The following TRIM13 variants were observed in gnomAD, a reference collection of about 807,000 sequenced individuals.
The protein encoded by TRIM13 is tripartite motif containing 13, also known as E3 ubiquitin-protein ligase TRIM13.
Under a neutral mutation model 27.1 loss-of-function variants are expected in TRIM13, and 15 were observed. That is an observed-to-expected ratio of 0.55 (90% CI 0.37 to 0.85). TRIM13 has a LOEUF of 0.85. Among genes scored for constraint, TRIM13 ranks in the 40% least tolerant of loss-of-function variants. The probability of loss-of-function intolerance (pLI) is 0.00; values close to 1 mark genes in which losing one functional copy is unlikely to be tolerated. For missense variants in TRIM13, 402 were observed against 472.2 expected, an observed-to-expected ratio of 0.85 and a Z score of 1.38; for synonymous variants, 193 against 171.5, an observed-to-expected ratio of 1.13 and a Z score of -0.98.
Position 50,015,453 on chromosome 13 carries a change from AGT to A in TRIM13, c.*2293_*2294del. 1 of 1,413,696 alleles carries A rather than the reference AGT, an allele frequency of 7.1e-7. No homozygotes were observed. The highest frequency in any genetic ancestry group is 9.8e-7 in the Non-Finnish European group (1 of 1,018,758). 87.6% of individuals were successfully genotyped at this position (1,413,696 alleles called of 1,614,324 possible). ...TTTATGGTTATAGGTTGATTTCCTAAGTGTGGCTGATGGTAGCCTCTAGTTTG... is the reference window on the plus strand; with the variant it reads ...TTTATGGTTATAGGTTGATTTCCTAAGTGGCTGATGGTAGCCTCTAGTTTG... On this transcript the variant is annotated 3_prime_UTR_variant, in exon 2 of 2. Coordinates refer to ENST00000378182, the MANE Select transcript of TRIM13 (RefSeq NM_213590.3).
In TRIM13 at chr13:50,016,314, C is replaced by T; in HGVS notation, c.*3150C>T. On this transcript the variant is annotated 3_prime_UTR_variant, in exon 2 of 2. Coordinates refer to ENST00000378182, the MANE Select transcript of TRIM13 (RefSeq NM_213590.3). ...ATAAATGAAGACTGCCCAGAAAAAA[C>T]TGAGACTATGGACATTCAAATCATG... 2.4e-6 allele frequency: 1 copy of T among 425,524 alleles called. No homozygotes were observed. 26.4% of individuals were successfully genotyped at this position (425,524 alleles called of 1,614,324 possible).
Position 50,012,453 on chromosome 13 carries a change from C to T in TRIM13, c.513C>T (p.Ser171=). 6.2e-7 allele frequency: 1 copy of T among 1,613,910 alleles called. No individual in the cohort carries two copies. Among genetic ancestry groups the T allele is most frequent in the Non-Finnish European group, 8.5e-7 (1 of 1,179,962 alleles). ...CCTTGGAAACTAGTAAGAGGAAATC[C>T]CTACAGTTACTGACTAAAGATTCAG... ...LDTLETSKRK[S]LQLLTKDSDK... is the part of the protein sequence containing the mutation. Residue 171 remains serine, a synonymous_variant, in exon 2 of 2, where the codon TCC becomes TCT. Transcript: ENST00000378182.
chr13:50,015,777 T>G lies in TRIM13; in HGVS notation c.*2613T>G, dbSNP rs1303045111. On this transcript the variant is annotated 3_prime_UTR_variant, in exon 2 of 2. Transcript: ENST00000378182. ...CTTTTCTATGAACTTCGTTCTCTAGTTGATCTCTTAAACCCATACCTGCTA... is the reference window on the plus strand; with the variant it reads ...CTTTTCTATGAACTTCGTTCTCTAGGTGATCTCTTAAACCCATACCTGCTA... 6.2e-7 allele frequency: 1 copy of G among 1,614,162 alleles called. No homozygotes were observed. Among genetic ancestry groups the G allele is most frequent in the Admixed American group, 1.7e-5 (1 of 60,020 alleles).
intron 1 of TRIM13, among the ~76,000 whole-genome samples, 172 bp downstream of exon 1, chr13:49,997,935 A>T (rs1444199745): frequency 1.3e-5 from 2 of 152,190 alleles, no homozygotes; most frequent in Non-Finnish European, 2.9e-5. Flanking sequence ...AACAGAATTC[A>T]CGTTTAGCAA....
intron 1 of TRIM13, among the ~76,000 whole-genome samples, chr13:50,005,567 G>A (rs992117740): frequency 1.3e-5 from 2 of 150,708 alleles, no homozygotes; most frequent in African/African-American, 4.9e-5. Context: ...CCAGCTACTC[G>A]GGGAGACTAA....
At chr13:50,006,129 A>G (rs898129944) in intron 1 of TRIM13, among the ~76,000 whole-genome samples, 1 of 144,686 alleles carries the variant, frequency 6.9e-6, no homozygotes, top group African/African-American at 2.7e-5. Context: ...TTTTGATGCA[A>G]TTTTTTTGAA....
rs566407446 is a variant in TRIM13 at position 50,013,703 on chromosome 13, T to C, written c.*539T>C. 6.6e-4 allele frequency: 109 copies of C among 165,842 alleles called. 1 individual carries two copies. Among genetic ancestry groups the C allele is most frequent in the Non-Finnish European group, 1.1e-3 (75 of 68,252 alleles). The allele number at this position is 165,842 out of a possible 1,614,324, so 10.3% of individuals were successfully genotyped here. On this transcript the variant is annotated 3_prime_UTR_variant, in exon 2 of 2. Coordinates refer to ENST00000378182, the MANE Select transcript of TRIM13 (RefSeq NM_213590.3). ...ACGCCCAGCTAATTTTTTGTATTTT[T>C]AGTTGAGACAGGGTTTCACTGTCCC...
intron 1 of TRIM13, among the ~76,000 whole-genome samples, chr13:50,008,621 G>T (rs1333804792): frequency 2.0e-5 from 3 of 152,048 alleles, no homozygotes; most frequent in Admixed American, 6.6e-5. Flanking sequence ...CTGGACAACA[G>T]AGCAAGACCC....
intron 1 of TRIM13, among the ~76,000 whole-genome samples, chr13:50,010,163 CTCA>C (rs1210855975): frequency 6.6e-6 from 1 of 151,564 alleles, no homozygotes; most frequent in Non-Finnish European, 1.5e-5. Context: ...ATTCTCATAC[CTCA>C]GCCTCCCGAG....
Position 49,997,516 on chromosome 13 carries a change from C to CT in TRIM13, c.-252dup, listed in dbSNP as rs1873377670. The CT allele has an allele frequency of 6.6e-6, 1 of 152,222 alleles. No individual in the cohort carries two copies. Among genetic ancestry groups the CT allele is most frequent in the Admixed American group, 6.5e-5 (1 of 15,270 alleles). The allele number at this position is 152,222 out of a possible 1,614,324, so 9.4% of individuals were successfully genotyped here. On this transcript the variant is annotated 5_prime_UTR_variant, in exon 1 of 2. It introduces an in-frame stop codon into an upstream open reading frame of the 5' UTR. Coordinates refer to ENST00000378182, the MANE Select transcript of TRIM13 (RefSeq NM_213590.3). ...GGAGGGCGCCCTAACCGAGAAGCTG[C>CT]TTAATACAAAGAGCTCCAGGCTCCT...
chr13:50,010,383 T>C (rs1875480132), intron 1 of TRIM13, among the ~76,000 whole-genome samples: 1 of 152,220 alleles, frequency 6.6e-6, no homozygotes, highest in African/African-American at 2.4e-5. Context: ...ATACAAAAAC[T>C]CAGCAAGTGC....
rs1293983636 is a variant in TRIM13, at chr13:50,014,703, T to A, written c.*1539T>A. The A allele has an allele frequency of 1.8e-5, 3 of 166,866 alleles. No individual in the cohort carries two copies. Among genetic ancestry groups the A allele is most frequent in the Non-Finnish European group, 4.4e-5 (3 of 68,102 alleles). 10.3% of individuals were successfully genotyped at this position (166,866 alleles called of 1,614,324 possible). On this transcript the variant is annotated 3_prime_UTR_variant, in exon 2 of 2. Transcript: ENST00000378182. Reference sequence around the variant, plus strand: ...TTCATATAACAAAGAAGTAACCTTATAACTGCTCTCTAGTCTGCCTTATTT... The same window carrying A: ...TTCATATAACAAAGAAGTAACCTTAAAACTGCTCTCTAGTCTGCCTTATTT...
At chr13:50,007,934 T>C (rs1354103452) in intron 1 of TRIM13, among the ~76,000 whole-genome samples, 2 of 151,794 alleles carry the variant, frequency 1.3e-5, no homozygotes, top group Non-Finnish European at 2.9e-5. Flanking sequence ...AGACAGAGTA[T>C]TGCTGTGTTG....
At position 50,016,198 on chromosome 13, in the gene TRIM13, A is replaced by C. The variant is rs1876543355; in HGVS notation, c.*3034A>C. On this transcript the variant is annotated 3_prime_UTR_variant, in exon 2 of 2. Transcript: ENST00000378182. ...TTCAAAATAATGTTTTGGGGTAACC[A>C]GTGGAGTTGGGTAGAATGACCAAAT... The C allele has an allele frequency of 2.8e-6, 2 of 702,948 alleles. No individual in the cohort carries two copies. Among genetic ancestry groups the C allele is most frequent in the Admixed American group, 2.9e-5 (1 of 33,928 alleles). 43.5% of individuals were successfully genotyped at this position (702,948 alleles called of 1,614,324 possible).
At position 50,012,272 on chromosome 13, in the gene TRIM13, A is replaced by T. The variant is rs1875753325; in HGVS notation, c.332A>T (p.Gln111Leu). The T allele has an allele frequency of 6.2e-7, 1 of 1,614,158 alleles. No individual in the cohort carries two copies. The highest frequency in any genetic ancestry group is 2.2e-5 in the East Asian group (1 of 44,882). Residue 111 changes from glutamine to leucine, a missense_variant, in exon 2 of 2, where the codon CAG becomes CTG. Gln to Leu is a moderately radical substitution (Grantham distance 113). Transcript: ENST00000378182. Reference sequence around the variant, plus strand: ...AACATTTTCTGCCTGACTGATATGCAGCTGATTTGTGGGATCTGTGCTACT... The same window carrying T: ...AACATTTTCTGCCTGACTGATATGCTGCTGATTTGTGGGATCTGTGCTACT... Reference protein sequence around the residue: ...PLNIFCLTDMQLICGICATRG... With the variant: ...PLNIFCLTDMLLICGICATRG...
chr13:50,009,736 CAAAA>C (rs35561642), intron 1 of TRIM13, among the ~76,000 whole-genome samples: 4 of 101,200 alleles, frequency 4.0e-5, no homozygotes, highest in East Asian at 5.4e-4. Flanking sequence ...GACTCCGTCT[CAAAA>C]AAAAAAAAAA....
intron 1 of TRIM13, among the ~76,000 whole-genome samples, chr13:50,006,129 A>AT (rs934007148): frequency 2.1e-5 from 3 of 144,686 alleles, no homozygotes; most frequent in Admixed American, 6.8e-5. Context: ...TTTTGATGCA[A>AT]TTTTTTTGAA....
Position 50,012,836 on chromosome 13 carries a change from T to A in TRIM13, c.896T>A (p.Leu299Ter), listed in dbSNP as rs762655105. Reference sequence around the variant, plus strand: ...CTAGTCGATGTGGATAAACTTTCTTTGCCTCAAGACACTGGCACATTCATT... The same window carrying A: ...CTAGTCGATGTGGATAAACTTTCTTAGCCTCAAGACACTGGCACATTCATT... ...IKLVDVDKLS[L>*]PQDTGTFISK... Residue 299 changes from leucine to a stop codon, truncating the protein, a stop_gained, in exon 2 of 2, where the codon TTG (leucine) becomes TAG (stop). Coordinates refer to ENST00000378182, the MANE Select transcript of TRIM13 (RefSeq NM_213590.3). LOFTEE classifies it high-confidence loss of function. The A allele has an allele frequency of 6.2e-7, 1 of 1,614,154 alleles. No homozygotes were observed. Among genetic ancestry groups the A allele is most frequent in the South Asian group, 1.1e-5 (1 of 91,080 alleles).
chr13:50,012,078 G>T lies in TRIM13; in HGVS notation c.138G>T (p.Leu46Phe). 6.2e-7 allele frequency: 1 copy of T among 1,614,102 alleles called. No individual in the cohort carries two copies. Among genetic ancestry groups the T allele is most frequent in the Non-Finnish European group, 8.5e-7 (1 of 1,180,012 alleles). Residue 46 changes from leucine (L) to phenylalanine (F), a missense_variant, in exon 2 of 2, where the codon TTG (leucine) becomes TTT (phenylalanine). This residue lies in a region of TRIM13 where 202 missense variants were observed against 277.5 expected (regional missense o/e 0.73). Coordinates refer to ENST00000378182, the MANE Select transcript of TRIM13 (RefSeq NM_213590.3). ...TAGAAGGGAGTGTGCGGAATTCCTT[G>T]TGGAGACCAGCTCCATTCAAGTGTC... Reference protein sequence around the residue: ...GILEGSVRNSLWRPAPFKCPT... With the variant: ...GILEGSVRNSFWRPAPFKCPT...
Sources: gnomAD v4.1 joint callset for allele counts (sites outside exome capture counted in the v4.1 genomes callset) on GRCh38, gnomAD v4.1.1 for gene constraint, gnomAD v4.1.1 regional missense constraint, MANE v1.5 for transcripts, NCBI Gene and HGNC (gene_info 2026-07-23, HGNC 2026-07-21) for gene names.